Variants in HECW1 observed in about 807,000 individuals in gnomAD.
The protein encoded by HECW1 is E3 ubiquitin-protein ligase HECW1.
In HECW1, 61 loss-of-function variants were observed where a neutral mutation model predicts 182.3. The ratio of observed to expected loss-of-function variants is 0.33; its 90% CI spans 0.27 to 0.41. The LOEUF (loss-of-function observed/expected upper bound fraction) is 0.41, where lower values mean the gene tolerates loss of function less well. Among genes scored for constraint, HECW1 ranks in the 10% least tolerant of loss-of-function variants. The probability of loss-of-function intolerance (pLI) is 1.00; values close to 1 mark genes in which losing one functional copy is unlikely to be tolerated. For synonymous variants in HECW1, 859 were observed against 832.6 expected, an observed-to-expected ratio of 1.03 and a Z score of -0.55; for missense variants, 1,739 against 2,108.9, an observed-to-expected ratio of 0.82 and a Z score of 3.44.
At chr7:43,351,477 C>T (rs1814440554) in intron 5 of HECW1, among the ~76,000 whole-genome samples, 1 of 152,084 alleles carries the variant, frequency 6.6e-6, no homozygotes, top group Admixed American at 6.6e-5. Flanking sequence ...TAGGGAAGGA[C>T]CACCAGGTGG....
At chr7:43,127,038 G>T (rs1446180076) in intron 2 of HECW1, among the ~76,000 whole-genome samples, 3 of 152,168 alleles carry the variant, frequency 2.0e-5, no homozygotes. Context: ...AAGTGGAAGG[G>T]AGAGTCTCAT....
chr7:43,378,010 C>T (rs1259105982), intron 6 of HECW1: 7 of 177,878 alleles, frequency 3.9e-5, no homozygotes, highest in Admixed American at 3.8e-4. Flanking sequence ...CAAATTTATA[C>T]ATTTACACAT....
intron 2 of HECW1, among the ~76,000 whole-genome samples, chr7:43,123,361 G>A (rs1785839637): frequency 6.6e-6 from 1 of 152,150 alleles, no homozygotes; most frequent in African/African-American, 2.4e-5. Flanking sequence ...AAAACTGAGT[G>A]TACCTGCCGT....
intron 24 of HECW1, chr7:43,510,915 T>A (rs1024359541): frequency 2.0e-5 from 3 of 152,242 alleles, no homozygotes; most frequent in African/African-American, 7.2e-5. Context: ...GGACTACCTG[T>A]TAAAAGTGGC....
chr7:43,431,136 G>A (rs1317955148), intron 8 of HECW1, among the ~76,000 whole-genome samples: 2 of 152,076 alleles, frequency 1.3e-5, no homozygotes, highest in African/African-American at 2.4e-5. Flanking sequence ...AGGTCTACAT[G>A]AATGACTCAT....
At chr7:43,519,492 T>C (rs2080339974) in intron 24 of HECW1, among the ~76,000 whole-genome samples, 1 of 152,140 alleles carries the variant, frequency 6.6e-6, no homozygotes, top group African/African-American at 2.4e-5. Context: ...GATTGGCCCG[T>C]CTCGGCCTCC....
intron 6 of HECW1, among the ~76,000 whole-genome samples, chr7:43,371,982 G>C (rs138362293): frequency 2.0e-5 from 3 of 151,942 alleles, no homozygotes; most frequent in Admixed American, 6.6e-5. Flanking sequence ...ACCACGCCCC[G>C]CTAATTTTTT....
At chr7:43,361,080 G>T in intron 6 of HECW1, 100 bp downstream of exon 6, 1 of 717,496 alleles carries the variant, frequency 1.4e-6, no homozygotes, top group South Asian at 1.8e-5. Flanking sequence ...GTGTGTGTGT[G>T]TGTGTGTGTA....
chr7:43,460,922 T>A (rs2077562357), intron 13 of HECW1, among the ~76,000 whole-genome samples: 1 of 152,186 alleles, frequency 6.6e-6, no homozygotes, highest in South Asian at 2.1e-4. Context: ...TGAGGACATG[T>A]GAAGTAGGTT....
chr7:43,212,452 T>C (rs1362091769), intron 2 of HECW1, among the ~76,000 whole-genome samples: 3 of 152,198 alleles, frequency 2.0e-5, no homozygotes, highest in Non-Finnish European at 4.4e-5. Context: ...AATTATGTTA[T>C]AATTATGTTT....
chr7:43,445,055 C>A lies in HECW1; in HGVS notation c.1883C>A (p.Ala628Glu). 1 of 1,581,350 alleles carries A rather than the reference C, an allele frequency of 6.3e-7. No individual in the cohort carries two copies. The highest frequency in any genetic ancestry group is 1.3e-5 in the African/African-American group (1 of 74,536). Residue 628 changes from alanine (A) to glutamate (E), a missense_variant, in exon 11 of 30, where the codon GCG (alanine) becomes GAG (glutamate). Transcript: ENST00000395891. Reference sequence around the variant, plus strand: ...CCCGAGGGGGCTACTCCAGGCACGGCGCACCCTGGCCACTCCGGGGGCCAC... The same window carrying A: ...CCCGAGGGGGCTACTCCAGGCACGGAGCACCCTGGCCACTCCGGGGGCCAC... ...EEPEGATPGT[A>E]HPGHSGGHFP...
chr7:43,166,983 C>T (rs1160738891), intron 2 of HECW1, among the ~76,000 whole-genome samples: 1 of 152,206 alleles, frequency 6.6e-6, no homozygotes, highest in African/African-American at 2.4e-5. Flanking sequence ...CTGAATGACG[C>T]AAGGCAGGCA....
chr7:43,184,260 G>A (rs1342106752), intron 2 of HECW1, among the ~76,000 whole-genome samples: 2 of 152,118 alleles, frequency 1.3e-5, no homozygotes, highest in African/African-American at 2.4e-5. Flanking sequence ...TGATCCGCCC[G>A]CCTCGGCTTC....
At chr7:43,208,247 C>A (rs1423570440) in intron 2 of HECW1, among the ~76,000 whole-genome samples, 2 of 152,180 alleles carry the variant, frequency 1.3e-5, no homozygotes, top group Non-Finnish European at 2.9e-5. Context: ...GCTCTTTCAA[C>A]CTTCTATTGA....
At chr7:43,532,923 G>A (rs1179309549) in intron 24 of HECW1, among the ~76,000 whole-genome samples, 1 of 152,196 alleles carries the variant, frequency 6.6e-6, no homozygotes. Context: ...TTGCCTCAGA[G>A]GGCCCAGTCA....
rs1296927453 is a variant in HECW1, at chr7:43,563,874, AAAAT to A, written c.*1956_*1959del. 1.1e-5 allele frequency: 2 copies of A among 181,270 alleles called. No homozygotes were observed. Among genetic ancestry groups the A allele is most frequent in the Non-Finnish European group, 2.4e-5 (2 of 84,938 alleles). 11.2% of individuals were successfully genotyped at this position (181,270 alleles called of 1,614,324 possible). On this transcript the variant is annotated 3_prime_UTR_variant, in exon 30 of 30. Transcript: ENST00000395891. Reference sequence around the variant, plus strand: ...ATCAAGGGAGACACCATCTAAAAAAAAAATAAATAAAAATAAAAGCATTTTTTTA... The same window carrying A: ...ATCAAGGGAGACACCATCTAAAAAAAAAATAAAAATAAAAGCATTTTTTTA...
chr7:43,294,367 G>GGGGGGAGGGGGGAGGAT, intron 3 of HECW1, among the ~76,000 whole-genome samples: 1 of 152,184 alleles, frequency 6.6e-6, no homozygotes, highest in Non-Finnish European at 1.5e-5. Context: ...CTGTTCCCAT[G>GGGGGGAGGGGGGAGGAT]GGGGGAGGGG....
intron 3 of HECW1, among the ~76,000 whole-genome samples, chr7:43,253,643 T>C (rs1281779684): frequency 6.6e-6 from 1 of 152,194 alleles, no homozygotes; most frequent in East Asian, 1.9e-4. Context: ...TTCCCTCCAA[T>C]GTTAAGAGAT....
At chr7:43,218,819 C>T (rs545255753) in intron 2 of HECW1, among the ~76,000 whole-genome samples, 17 of 152,066 alleles carry the variant, frequency 1.1e-4, no homozygotes, top group African/African-American at 3.9e-4. Flanking sequence ...TCTTGTCTCA[C>T]GTGATTTAGA....
Sources: allele counts gnomAD v4.1 joint callset (sites outside exome capture counted in the v4.1 genomes callset), GRCh38; gene constraint gnomAD v4.1.1; transcripts MANE v1.5; gene names NCBI Gene and HGNC (gene_info 2026-07-23, HGNC 2026-07-21).